Variants in TRIO observed in about 807,000 individuals in gnomAD.
The protein encoded by TRIO is triple functional domain protein.
In TRIO, 58 loss-of-function variants were observed where a neutral mutation model predicts 351.9. The ratio of observed to expected loss-of-function variants is 0.16; its 90% CI spans 0.13 to 0.21. The LOEUF is 0.21. Ranked by LOEUF, TRIO falls within the 10% of genes least tolerant of loss-of-function variation. The probability of loss-of-function intolerance (pLI) is 1.00; values close to 1 mark genes in which losing one functional copy is unlikely to be tolerated. For missense variants in TRIO, 3,201 were observed against 4,027.8 expected, an observed-to-expected ratio of 0.79 and a Z score of 5.56; for synonymous variants, 1,758 against 1,595.7, an observed-to-expected ratio of 1.10 and a Z score of -2.42.
intron 36 of TRIO, 119 bp from the exon 37 acceptor site, chr5:14,465,423 TGTG>T (rs1419901817): frequency 7.0e-6 from 6 of 858,208 alleles, no homozygotes; most frequent in African/African-American, 6.9e-5. Context: ...AAGACAAACT[TGTG>T]GTCTTTTTGT....
At chr5:14,373,381 T>C (rs1400261313) in intron 18 of TRIO, among the ~76,000 whole-genome samples, 1 of 152,132 alleles carries the variant, frequency 6.6e-6, no homozygotes, top group Non-Finnish European at 1.5e-5. Flanking sequence ...GCCCTGACCA[T>C]CCCGAATGAC....
At chr5:14,351,877 T>C (rs980299564) in intron 11 of TRIO, among the ~76,000 whole-genome samples, 3 of 152,194 alleles carry the variant, frequency 2.0e-5, no homozygotes, top group Admixed American at 1.3e-4. Flanking sequence ...ACTTTCGACT[T>C]AACTGGAGGC....
intron 9 of TRIO, among the ~76,000 whole-genome samples, chr5:14,317,190 G>GA (rs1388150037): frequency 1.3e-5 from 2 of 152,278 alleles, no homozygotes; most frequent in African/African-American, 2.4e-5. Context: ...TCTTGTTGAT[G>GA]AAAAGTACAC....
intron 1 of TRIO, among the ~76,000 whole-genome samples, chr5:14,176,801 A>C (rs1044442519): frequency 2.0e-5 from 3 of 152,194 alleles, no homozygotes; most frequent in Admixed American, 2.0e-4. Flanking sequence ...TTCAAAAGTA[A>C]CATTTTTTGC....
intron 36 of TRIO, 137 bp from the exon 37 acceptor site, chr5:14,465,408 A>G (rs1314300473): frequency 5.2e-5 from 40 of 770,218 alleles, no homozygotes; most frequent in Middle Eastern, 7.3e-4. Context: ...AAATAAATGT[A>G]AACAAAGACA....
In TRIO at chr5:14,353,689, A is replaced by C. The variant is rs563354873; in HGVS notation, c.2047-4489A>C. On this transcript the variant is annotated intron_variant, in intron 11 of 56. Transcript: ENST00000344204. ...GTTAAGTCAGTGCTTGAACGCAAGC[A>C]GTCTGGCTTTGCAACCTACACTCTT... Among the ~76,000 whole-genome samples the C allele has an allele frequency of 6.6e-5, 10 of 152,312 alleles. No individual in the cohort carries two copies. In the South Asian group the frequency reaches 2.1e-3, roughly 32 times the overall value.
intron 45 of TRIO, chr5:14,481,895 T>C (rs557222599): frequency 4.5e-5 from 17 of 373,806 alleles, no homozygotes; most frequent in African/African-American, 3.6e-4. Flanking sequence ...GGCCCAGTAC[T>C]GTAAGAGCTG....
chr5:14,234,299 G>A (rs1408149023), intron 1 of TRIO, among the ~76,000 whole-genome samples: 1 of 152,246 alleles, frequency 6.6e-6, no homozygotes, highest in Non-Finnish European at 1.5e-5. Context: ...GCAGTGGATA[G>A]GGGTGCCGGG....
chr5:14,330,258 T>C (rs1740784866), intron 9 of TRIO, among the ~76,000 whole-genome samples: 1 of 152,202 alleles, frequency 6.6e-6, no homozygotes, highest in Non-Finnish European at 1.5e-5. Flanking sequence ...AAAGAATAAA[T>C]TATCCAAGCT....
Position 14,291,788 on chromosome 5 carries a change from T to TAAAAAAAAAAAAAA in TRIO, c.1053+575_1053+588dup, listed in dbSNP as rs57424190. On this transcript the variant is annotated intron_variant, in intron 5 of 56. Transcript: ENST00000344204. ...TGGGCGACAGAGTGAGACTCCGTCTTAAAAAAAAAAAAAAAAAAAAAAAAA... is the reference window on the plus strand; with the variant it reads ...TGGGCGACAGAGTGAGACTCCGTCTTAAAAAAAAAAAAAAAAAAAAAAAAAAAAAAAAAAAAAAA... Among the ~76,000 whole-genome samples the TAAAAAAAAAAAAAA allele has an allele frequency of 6.8e-4, 69 of 100,936 alleles. 2 individuals carry two copies. The highest frequency in any genetic ancestry group is 9.3e-4 in the Non-Finnish European group (50 of 53,494). 66.2% of individuals were successfully genotyped at this position (100,936 alleles called of 152,430 possible).
chr5:14,346,465 T>C (rs1198987424), intron 11 of TRIO, among the ~76,000 whole-genome samples: 1 of 152,220 alleles, frequency 6.6e-6, no homozygotes. Context: ...ATCACCATAT[T>C]GAGCATATCA....
chr5:14,493,310 T>C (rs1344468125), intron 49 of TRIO, among the ~76,000 whole-genome samples: 1 of 152,086 alleles, frequency 6.6e-6, no homozygotes, highest in Admixed American at 6.5e-5. Flanking sequence ...ACATTGCCTT[T>C]TTTACACGAG....
At chr5:14,372,218 G>T (rs1229528532) in intron 18 of TRIO, among the ~76,000 whole-genome samples, 1 of 136,958 alleles carries the variant, frequency 7.3e-6, no homozygotes, top group African/African-American at 2.6e-5. Flanking sequence ...GGCGGAGGGG[G>T]GGCGATGGTG....
chr5:14,419,632 A>C, intron 33 of TRIO, 146 bp from the exon 34 acceptor site: 5 of 1,011,704 alleles, frequency 4.9e-6, no homozygotes, highest in Non-Finnish European at 7.2e-6. Flanking sequence ...TTTCATACGG[A>C]GAGTGCAGTG....
intron 34 of TRIO, among the ~76,000 whole-genome samples, chr5:14,420,955 T>C (rs1250990301): frequency 6.6e-6 from 1 of 152,222 alleles, no homozygotes; most frequent in Non-Finnish European, 1.5e-5. Context: ...AACTAGGCAT[T>C]CATCACACTT....
At chr5:14,467,734 G>C (rs1303713479) in intron 37 of TRIO, among the ~76,000 whole-genome samples, 1 of 152,040 alleles carries the variant, frequency 6.6e-6, no homozygotes. Context: ...GATCACCTGA[G>C]CCCAGGAGGT....
rs576731907 is a variant in TRIO, at chr5:14,163,828, G to A, written c.157+19946G>A. On this transcript the variant is annotated intron_variant, in intron 1 of 56. Transcript: ENST00000344204. ...TATATTAACACAACTATTTCATATG[G>A]TTTTATTCTCACATGCTTGAAGTAT... 1.5e-4 allele frequency among the ~76,000 whole-genome samples: 23 copies of A among 152,284 alleles called. No homozygotes were observed. In the South Asian group the frequency reaches 4.8e-3, roughly 32 times the overall value.
intron 34 of TRIO, among the ~76,000 whole-genome samples, chr5:14,434,156 G>A (rs140317519): frequency 1.0e-3 from 153 of 152,270 alleles, no homozygotes; most frequent in African/African-American, 3.5e-3. Flanking sequence ...AGTAAATTTC[G>A]TGGGCATTAA....
Position 14,364,150 on chromosome 5 carries a change from A to G in TRIO, c.2587+223A>G, listed in dbSNP as rs572694459. Among the ~76,000 whole-genome samples, 5 of 152,358 alleles carry G rather than the reference A, an allele frequency of 3.3e-5. No homozygotes were observed. In the East Asian group the frequency reaches 9.6e-4, roughly 29 times the overall value. On this transcript the variant is annotated intron_variant, in intron 14 of 56. Coordinates refer to ENST00000344204, the MANE Select transcript of TRIO (RefSeq NM_007118.4). ...ATTCTCACATACTATTTTAAGTATC[A>G]TGAACTTTAATTCTACACAATGATA... is the stretch of plus-strand genomic sequence containing the variant.
Sources: gnomAD v4.1 joint callset for allele counts (sites outside exome capture counted in the v4.1 genomes callset) on GRCh38, gnomAD v4.1.1 for gene constraint, MANE v1.5 for transcripts, NCBI Gene and HGNC (gene_info 2026-07-23, HGNC 2026-07-21) for gene names.